Variants in CDK6 observed in about 807,000 individuals in gnomAD.
CDK6 encodes the protein cyclin dependent kinase 6.
In CDK6, 6 loss-of-function variants were observed where a neutral mutation model predicts 37.1. The ratio of observed to expected loss-of-function variants is 0.16; its 90% CI spans 0.09 to 0.32. The LOEUF is 0.32. CDK6 is among the 10% of genes least tolerant of loss of function. CDK6 has a pLI of 1.00. For synonymous variants in CDK6, 160 were observed against 161.3 expected (o/e 0.99, Z 0.06); for missense variants, 224 against 418.9 (o/e 0.53, Z 4.06).
chr7:92,608,833 GC>G lies in CDK6; in HGVS notation c.*6306del. 4.3e-6 allele frequency: 1 copy of G among 232,150 alleles called. No individual in the cohort carries two copies. 14.4% of individuals were successfully genotyped at this position (232,150 alleles called of 1,614,324 possible). On this transcript the variant is annotated 3_prime_UTR_variant, in exon 8 of 8. Transcript: ENST00000424848. ...CACCGGCAGGTGAGTGGGAGGCGGGGCCCCAGCCCGGCCTCGCCCACTGCCT... is the reference window on the plus strand; with the variant it reads ...CACCGGCAGGTGAGTGGGAGGCGGGGCCCAGCCCGGCCTCGCCCACTGCCT...
intron 6 of CDK6, among the ~76,000 whole-genome samples, chr7:92,620,040 T>C (rs571392262): frequency 1.3e-5 from 2 of 152,318 alleles, no homozygotes; most frequent in Admixed American, 6.5e-5. Context: ...GGTCTATGTG[T>C]ATCAATATTT....
chr7:92,743,697 A>G (rs1215954627), intron 3 of CDK6, among the ~76,000 whole-genome samples: 1 of 152,232 alleles, frequency 6.6e-6, no homozygotes, highest in African/African-American at 2.4e-5. Flanking sequence ...TCAAGAGTTG[A>G]CAAAGATGGA....
In CDK6 at chr7:92,759,316, G is replaced by A. The variant is rs367634668; in HGVS notation, c.369+15380C>T. On this transcript the variant is annotated intron_variant, in intron 3 of 7. Transcript: ENST00000424848. ...TAGGACTTTGTTATTTTGGCTGGAG[G>A]CAAAAAAGCTTAGTGGTTTCTGTCT... Among the ~76,000 whole-genome samples, 206 of 152,032 alleles carry A rather than the reference G, an allele frequency of 1.4e-3. 1 individual carries two copies. Among genetic ancestry groups the A allele is most frequent in the African/African-American group, 4.3e-3 (178 of 41,488 alleles).
chr7:92,746,554 G>C (rs1047196035), intron 3 of CDK6, among the ~76,000 whole-genome samples: 2 of 152,060 alleles, frequency 1.3e-5, no homozygotes, highest in Non-Finnish European at 2.9e-5. Context: ...TTTGTGTTTA[G>C]ACTTGGGACC....
intron 5 of CDK6, among the ~76,000 whole-genome samples, chr7:92,632,003 A>T (rs910064471): frequency 1.3e-5 from 2 of 152,100 alleles, no homozygotes; most frequent in African/African-American, 4.8e-5. Flanking sequence ...ACATTACGGT[A>T]ACTAAAATGT....
At chr7:92,740,400 C>G (rs1798891828) in intron 3 of CDK6, among the ~76,000 whole-genome samples, 1 of 152,182 alleles carries the variant, frequency 6.6e-6, no homozygotes, top group Non-Finnish European at 1.5e-5. Context: ...CTTTTGGCCA[C>G]ATCCTGGGCA....
intron 5 of CDK6, among the ~76,000 whole-genome samples, chr7:92,663,508 T>C (rs1585379707): frequency 6.6e-6 from 1 of 151,776 alleles, no homozygotes; most frequent in Middle Eastern, 3.4e-3. Flanking sequence ...GAGACCAGCC[T>C]AGGCAACAAC....
intron 2 of CDK6, among the ~76,000 whole-genome samples, chr7:92,808,129 TTTC>T (rs1258919313): frequency 6.6e-6 from 1 of 152,192 alleles, no homozygotes; most frequent in Non-Finnish European, 1.5e-5. Flanking sequence ...ATATGGTATT[TTTC>T]TTCTTTATGT....
intron 4 of CDK6, among the ~76,000 whole-genome samples, chr7:92,692,746 C>G (rs773725649): frequency 6.6e-6 from 1 of 152,108 alleles, no homozygotes; most frequent in Non-Finnish European, 1.5e-5. Flanking sequence ...GATCATCATG[C>G]CACTGCACTC....
chr7:92,805,098 G>A (rs1800690271), intron 2 of CDK6, among the ~76,000 whole-genome samples: 1 of 152,180 alleles, frequency 6.6e-6, no homozygotes, highest in Non-Finnish European at 1.5e-5. Flanking sequence ...CAAAGAGCTT[G>A]AAATCTCGAT....
intron 3 of CDK6, among the ~76,000 whole-genome samples, chr7:92,754,068 C>T (rs562809849): frequency 6.6e-6 from 1 of 152,238 alleles, no homozygotes; most frequent in East Asian, 1.9e-4. Flanking sequence ...CCAGGCTCTG[C>T]TTGGTGATCC....
chr7:92,699,553 C>T (rs1182864375), intron 4 of CDK6, among the ~76,000 whole-genome samples: 1 of 152,204 alleles, frequency 6.6e-6, no homozygotes, highest in Admixed American at 6.5e-5. Context: ...GGGTGAAATA[C>T]AGATATATCT....
intron 2 of CDK6, among the ~76,000 whole-genome samples, chr7:92,785,393 G>C (rs1176219186): frequency 1.3e-5 from 2 of 152,170 alleles, no homozygotes; most frequent in African/African-American, 4.8e-5. Flanking sequence ...CAGTGGGAGA[G>C]TGTGGAGGAA....
intron 2 of CDK6, among the ~76,000 whole-genome samples, chr7:92,806,965 T>C (rs1800741143): frequency 6.6e-6 from 1 of 152,212 alleles, no homozygotes; most frequent in Non-Finnish European, 1.5e-5. Context: ...TATTTAGGTT[T>C]TGGGCAAGAG....
intron 2 of CDK6, among the ~76,000 whole-genome samples, chr7:92,806,613 AC>A (rs1168300729): frequency 6.6e-6 from 1 of 152,214 alleles, no homozygotes; most frequent in African/African-American, 2.4e-5. Flanking sequence ...TCATGTTATA[AC>A]ATGACAAAAA....
chr7:92,706,454 T>G (rs1797968221), intron 4 of CDK6, among the ~76,000 whole-genome samples: 1 of 152,096 alleles, frequency 6.6e-6, no homozygotes, highest in African/African-American at 2.4e-5. Context: ...CTTTCATAAT[T>G]AATGAGCTGT....
At chr7:92,725,013 T>C (rs1435886715) in intron 4 of CDK6, 9 of 922,054 alleles carry the variant, frequency 9.8e-6, no homozygotes, top group Non-Finnish European at 9.1e-6. Context: ...TGCAGCTGAA[T>C]GGCAAAAAGA....
intron 2 of CDK6, among the ~76,000 whole-genome samples, chr7:92,787,527 AT>A (rs765435818): frequency 6.6e-6 from 1 of 152,052 alleles, no homozygotes; most frequent in African/African-American, 2.4e-5. Flanking sequence ...TAGAATATAA[AT>A]TTTTTGTTTA....
chr7:92,804,953 T>C (rs936494040), intron 2 of CDK6, among the ~76,000 whole-genome samples: 2 of 152,190 alleles, frequency 1.3e-5, no homozygotes, highest in Non-Finnish European at 2.9e-5. Flanking sequence ...GGGGGACAAA[T>C]ACTGGTCATG....
Sources: allele counts gnomAD v4.1 joint callset (sites outside exome capture counted in the v4.1 genomes callset), GRCh38; gene constraint gnomAD v4.1.1; transcripts MANE v1.5; gene names NCBI Gene and HGNC (gene_info 2026-07-23, HGNC 2026-07-21).